The following GTF3C1 variants were observed in gnomAD, a reference collection of about 807,000 sequenced individuals.
The protein encoded by GTF3C1 is general transcription factor IIIC subunit 1.
A neutral mutation model predicts 226.7 loss-of-function variants in GTF3C1; 57 were observed. The observed-to-expected ratio is 0.25, with a 90% confidence interval of 0.20 to 0.31. GTF3C1 has a LOEUF of 0.31. GTF3C1 is among the 10% of genes least tolerant of loss of function. The pLI, the probability that GTF3C1 is intolerant of heterozygous loss-of-function variation, is 1.00. For missense variants in GTF3C1, 2,217 were observed against 2,776.1 expected, an observed-to-expected ratio of 0.80 and a Z score of 4.53; for synonymous variants, 1,090 against 1,084.8, an observed-to-expected ratio of 1.00 and a Z score of -0.09.
chr16:27,486,121 C>T lies in GTF3C1; in HGVS notation c.3734G>A (p.Arg1245His), dbSNP rs1216002869. Residue 1245 changes from arginine to histidine, a missense_variant, in exon 24 of 37, where the codon CGC becomes CAC. Transcript: ENST00000356183. ...EFPGEKSKRL[R>H]YHDEADQSAL... is the part of the protein sequence containing the mutation. ...ACTCTGGTCGGCTTCATCATGGTAG[C>T]GCAGCCTTTTGCTTTTTTCTCCTGG... The T allele has an allele frequency of 4.4e-6, 7 of 1,607,832 alleles. No homozygotes were observed. The highest frequency in any genetic ancestry group is 2.2e-5 in the East Asian group (1 of 44,788).
Position 27,507,451 on chromosome 16 carries a change from C to T in GTF3C1, c.1243-295G>A, listed in dbSNP as rs1181117418. Among the ~76,000 whole-genome samples, 2 of 151,836 alleles carry T rather than the reference C, an allele frequency of 1.3e-5. No individual in the cohort carries two copies. Among genetic ancestry groups the T allele is most frequent in the Non-Finnish European group, 2.9e-5 (2 of 68,042 alleles). ...TCTGACTTAACCTTCCATATAGCCCCAGTGGCTGGGACAGGACGTGGCCCA... is the reference window on the plus strand; with the variant it reads ...TCTGACTTAACCTTCCATATAGCCCTAGTGGCTGGGACAGGACGTGGCCCA... On this transcript the variant is annotated intron_variant, in intron 8 of 36. Coordinates refer to ENST00000356183, the MANE Select transcript of GTF3C1 (RefSeq NM_001520.4). This position sits in a 1 kb window ranked among gnomAD's most constrained non-coding sequence, Gnocchi z 4.9.
rs1386710773 is a variant in GTF3C1 at position 27,470,631 on chromosome 16, C to T, written c.4527-236G>A. ...TCCGGGCAGAGTCCTGTCTCCTCAT[C>T]TAATTCAATGTGGCCTCACCTGGCG... On this transcript the variant is annotated intron_variant, in intron 30 of 36. Coordinates refer to ENST00000356183, the MANE Select transcript of GTF3C1 (RefSeq NM_001520.4). This position sits in a 1 kb window ranked among gnomAD's most constrained non-coding sequence, Gnocchi z 4.9. 1.9e-6 allele frequency: 1 copy of T among 527,796 alleles called. No homozygotes were observed. The highest frequency in any genetic ancestry group is 3.4e-6 in the Non-Finnish European group (1 of 293,512). The allele number at this position is 527,796 out of a possible 1,614,324, so 32.7% of individuals were successfully genotyped here. A position where few individuals can be genotyped will look rare whatever the true frequency, so the allele number is the denominator to read the frequency against.
chr16:27,544,721 C>T (rs2089137787), intron 2 of GTF3C1, among the ~76,000 whole-genome samples: 2 of 151,850 alleles, frequency 1.3e-5, no homozygotes, highest in South Asian at 2.1e-4. Context: ...ACTGAGGATT[C>T]ACAAGAGAAT....
rs145674030 is a variant in GTF3C1, at chr16:27,523,577, A to G, written c.973+5021T>C. ...TTCATCCCTTGCCTCCTGCGCACGG[A>G]AAGTAACTGAAGCGGCACTTAATTA... is the stretch of plus-strand genomic sequence containing the variant. On this transcript the variant is annotated intron_variant, in intron 6 of 36. Coordinates refer to ENST00000356183, the MANE Select transcript of GTF3C1 (RefSeq NM_001520.4). 3.7e-3 allele frequency among the ~76,000 whole-genome samples: 567 copies of G among 152,260 alleles called. 3 individuals are homozygous for G. The highest frequency in any genetic ancestry group is 6.5e-3 in the Non-Finnish European group (445 of 68,022).
intron 6 of GTF3C1, among the ~76,000 whole-genome samples, chr16:27,527,875 G>A (rs902697821): frequency 6.6e-6 from 1 of 152,062 alleles, no homozygotes; most frequent in African/African-American, 2.4e-5. Flanking sequence ...TGGTGAGGCT[G>A]AGGCGGGAGG....
chr16:27,496,086 GGTT>G lies in GTF3C1; in HGVS notation c.2351-597_2351-595del, dbSNP rs565212076. ...ACTTGGTGCCATCCTCATGAGATCT[GGTT>G]GTTTAAAAGTGTGTGGCACCTCCCC... On this transcript the variant is annotated intron_variant, in intron 14 of 36. Transcript: ENST00000356183. 2.4e-4 allele frequency among the ~76,000 whole-genome samples: 36 copies of G among 152,260 alleles called. 1 individual carries two copies. In the South Asian group the frequency reaches 3.5e-3, roughly 15 times the overall value.
intron 4 of GTF3C1, among the ~76,000 whole-genome samples, chr16:27,536,440 T>C (rs970604054): frequency 6.6e-6 from 1 of 152,104 alleles, no homozygotes; most frequent in Non-Finnish European, 1.5e-5. Context: ...CTACTAAAAA[T>C]ACGAAAATTA....
Position 27,549,712 on chromosome 16 carries a change from T to A in GTF3C1, c.179A>T (p.Tyr60Phe). Residue 60 changes from tyrosine to phenylalanine, a missense_variant, in exon 1 of 37, where the codon TAT becomes TTT. Physicochemically the swap from Tyr to Phe is conservative, Grantham distance 22. This residue lies in a region of GTF3C1 where 192 missense variants were observed against 251.8 expected (regional missense o/e 0.76). Transcript: ENST00000356183. ...GTCGGGTCGCTCCCGAGGCTCCTCA[T>A]AGAAGCTGATGCCCGGGTGCGTGGC... is the stretch of plus-strand genomic sequence containing the variant. ...ALATHPGISF[Y>F]EEPRERPDLQ... The A allele has an allele frequency of 6.6e-7, 1 of 1,515,292 alleles. No homozygotes were observed. Among genetic ancestry groups the A allele is most frequent in the Non-Finnish European group, 8.9e-7 (1 of 1,119,212 alleles). 93.9% of individuals were successfully genotyped at this position (1,515,292 alleles called of 1,614,324 possible).
At chr16:27,525,341 C>T (rs947898059) in intron 6 of GTF3C1, among the ~76,000 whole-genome samples, 1 of 152,212 alleles carries the variant, frequency 6.6e-6, no homozygotes, top group Non-Finnish European at 1.5e-5. Flanking sequence ...TGCTACCACA[C>T]TTTTCCTCAA....
At chr16:27,481,826 C>T (rs1486383290) in intron 26 of GTF3C1, among the ~76,000 whole-genome samples, 1 of 152,206 alleles carries the variant, frequency 6.6e-6, no homozygotes, top group Non-Finnish European at 1.5e-5. Context: ...GTTGCTGCCC[C>T]AGCTGCCGTG....
Position 27,464,391 on chromosome 16 carries a change from T to G in GTF3C1, c.5801A>C (p.Glu1934Ala), listed in dbSNP as rs1353054081. The change falls in exon 34 of 37, where the codon GAG becomes GCG. Residue 1934 changes from glutamate to alanine, a missense_variant. By Grantham distance (107) the Glu-to-Ala change is moderately radical. Coordinates refer to ENST00000356183, the MANE Select transcript of GTF3C1 (RefSeq NM_001520.4). Reference protein sequence around the residue: ...AAQEDQEGVGEFSSPGQEQLS... With the variant: ...AAQEDQEGVGAFSSPGQEQLS... The stretch of plus-strand genomic sequence containing the variant: ...CTGCTCTTGGCCTGGGGAACTGAAC[T>G]CACCGACACCCTCTTGGTCTTCCTG... 3.8e-6 allele frequency: 6 copies of G among 1,594,658 alleles called. No homozygotes were observed. Among genetic ancestry groups the G allele is most frequent in the Admixed American group, 1.8e-5 (1 of 56,436 alleles).
chr16:27,537,767 G>A lies in GTF3C1; in HGVS notation c.752+17C>T, dbSNP rs2141453959. The A allele has an allele frequency of 6.3e-7, 1 of 1,582,536 alleles. No homozygotes were observed. Among genetic ancestry groups the A allele is most frequent in the Non-Finnish European group, 8.6e-7 (1 of 1,161,040 alleles). On this transcript the variant is annotated intron_variant, in intron 4 of 36. Coordinates refer to ENST00000356183, the MANE Select transcript of GTF3C1 (RefSeq NM_001520.4). ...TGCAACTAAAAAACCTAATGTTTTG[G>A]TCACTACAAACCATACCTGTCCACA...
At chr16:27,524,431 A>G (rs1358949695) in intron 6 of GTF3C1, among the ~76,000 whole-genome samples, 1 of 152,180 alleles carries the variant, frequency 6.6e-6, no homozygotes, top group Non-Finnish European at 1.5e-5. Flanking sequence ...TGTCACCTGT[A>G]AGTCTCACAA....
At position 27,482,059 on chromosome 16, in the gene GTF3C1, C is replaced by T. The variant is rs534522473; in HGVS notation, c.4084-868G>A. Among the ~76,000 whole-genome samples, 131 of 152,304 alleles carry T rather than the reference C, an allele frequency of 8.6e-4. 3 individuals carry two copies. Among genetic ancestry groups the T allele is most frequent in the Admixed American group, 2.1e-3 (32 of 15,298 alleles). On this transcript the variant is annotated intron_variant, in intron 26 of 36. Coordinates refer to ENST00000356183, the MANE Select transcript of GTF3C1 (RefSeq NM_001520.4). ...GCTATGTCCCACTGTTTCCCAGCCA[C>T]GTGGCCCAGGTCTGCCAGGGGCTCC...
In GTF3C1 at chr16:27,507,233, C is replaced by T; in HGVS notation, c.1243-77G>A. 1 of 1,117,668 alleles carries T rather than the reference C, an allele frequency of 8.9e-7. No individual in the cohort carries two copies. The highest frequency in any genetic ancestry group is 1.3e-6 in the Non-Finnish European group (1 of 776,780). 69.2% of individuals were successfully genotyped at this position (1,117,668 alleles called of 1,614,324 possible). ...CAGGGGTTCAGGTGGTCTGTGGCAT[C>T]TATTTCCTTATTGGCTTTCTTCTGT... is the stretch of plus-strand genomic sequence containing the variant. On this transcript the variant is annotated intron_variant, in intron 8 of 36. Transcript: ENST00000356183. This position sits in a 1 kb window ranked among gnomAD's most constrained non-coding sequence, Gnocchi z 4.9.
rs774535617 is a variant in GTF3C1 at position 27,511,803 on chromosome 16, G to A, written c.1072C>T (p.Pro358Ser). 3.1e-6 allele frequency: 5 copies of A among 1,614,168 alleles called. No homozygotes were observed. The Admixed American group carries it at 8.3e-5, about 27-fold the overall frequency. Reference sequence around the variant, plus strand: ...CGCTCGAACACAATGTCCACTGGAGGCACTGTCTTGGAGATGACCTCCTCG... The same window carrying A: ...CGCTCGAACACAATGTCCACTGGAGACACTGTCTTGGAGATGACCTCCTCG... Reference protein sequence around the residue: ...EDEEVISKTVPPVDIVFERDM... With the variant: ...EDEEVISKTVSPVDIVFERDM... Residue 358 changes from proline (P) to serine (S), a missense_variant, in exon 7 of 37, where the codon CCT becomes TCT. Pro to Ser is a moderately conservative substitution (Grantham distance 74). Around this residue, in one of 12 missense-constraint regions of GTF3C1, gnomAD observed 163 missense variants for 234.3 expected, o/e 0.70. Transcript: ENST00000356183.
rs746813509 is a variant in GTF3C1, at chr16:27,511,786, C to T, written c.1089G>A (p.Val363=). The change falls in exon 7 of 37, where the codon GTG becomes GTA. Residue 363 remains valine (V), a synonymous_variant. Transcript: ENST00000356183. ...TCTGTGTGAGCATATCCCGCTCGAA[C>T]ACAATGTCCACTGGAGGCACTGTCT... is the stretch of plus-strand genomic sequence containing the variant. ...ISKTVPPVDI[V]FERDMLTQTY... is the part of the protein sequence containing the mutation. The T allele has an allele frequency of 6.2e-7, 1 of 1,614,186 alleles. No homozygotes were observed. Among genetic ancestry groups the T allele is most frequent in the Admixed American group, 1.7e-5 (1 of 60,028 alleles).
Position 27,476,556 on chromosome 16 carries a change from GGGGCAGCAGGGCACCAT to G in GTF3C1, c.4260-29_4260-13del. ...GGATGTCATCCACGCTGAAAGAGAG[GGGGCAGCAGGGCACCAT>G]GAGACCACAGGCACTGCTCAGCTCA... is the stretch of plus-strand genomic sequence containing the variant. On this transcript the variant is annotated splice_polypyrimidine_tract_variant and intron_variant, in intron 28 of 36. Coordinates refer to ENST00000356183, the MANE Select transcript of GTF3C1 (RefSeq NM_001520.4). The G allele has an allele frequency of 6.6e-7, 1 of 1,512,024 alleles. No homozygotes were observed. 93.7% of individuals were successfully genotyped at this position (1,512,024 alleles called of 1,614,324 possible). A position where few individuals can be genotyped will look rare whatever the true frequency, so the allele number is the denominator to read the frequency against.
chr16:27,539,622 G>A (rs149284290), intron 2 of GTF3C1, among the ~76,000 whole-genome samples: 2 of 152,310 alleles, frequency 1.3e-5, no homozygotes, highest in African/African-American at 4.8e-5. Flanking sequence ...TTACTCAACT[G>A]GAGAAGACTG....
Sources: allele counts gnomAD v4.1 joint callset (sites outside exome capture counted in the v4.1 genomes callset), GRCh38; gene constraint gnomAD v4.1.1; regional missense constraint gnomAD v4.1.1; non-coding constraint Gnocchi (gnomAD v3.1); transcripts MANE v1.5; gene names NCBI Gene and HGNC (gene_info 2026-07-23, HGNC 2026-07-21).